The following CA10 variants were observed in gnomAD, a reference collection of about 807,000 sequenced individuals.
The protein encoded by CA10 is carbonic anhydrase 10 (inactive).
CA10 carries 14 observed loss-of-function variants against 44.2 expected under a neutral mutation model. The observed-to-expected ratio is 0.32, with a 90% confidence interval of 0.21 to 0.50. CA10 has a LOEUF of 0.50. Ranked by LOEUF, CA10 falls within the 20% of genes least tolerant of loss-of-function variation. The pLI, the probability that CA10 is intolerant of heterozygous loss-of-function variation, is 0.99. For missense variants in CA10, 350 were observed against 409.7 expected, an observed-to-expected ratio of 0.85 and a Z score of 1.26; for synonymous variants, 159 against 141.6, an observed-to-expected ratio of 1.12 and a Z score of -0.87.
chr17:52,026,773 T>G (rs1986315041), intron 2 of CA10, among the ~76,000 whole-genome samples: 1 of 152,060 alleles, frequency 6.6e-6, no homozygotes, highest in African/African-American at 2.4e-5. Flanking sequence ...ATGATTCAAT[T>G]ACCTCTCATG....
Position 51,692,385 on chromosome 17 carries a change from ATCTATCT to A in CA10, c.466-38656_466-38650del, listed in dbSNP as rs1394590149. On this transcript the variant is annotated intron_variant, in intron 4 of 8. Transcript: ENST00000451037. The stretch of plus-strand genomic sequence containing the variant: ...ATCCATCCTATCTATCTATCTATCT[ATCTATCT>A]ATCTATCTATCTATCTATCTATCTA... Among the ~76,000 whole-genome samples the A allele has an allele frequency of 2.4e-5, 3 of 124,326 alleles. No individual in the cohort carries two copies. The East Asian group carries it at 7.3e-4, about 30-fold the overall frequency. 81.6% of individuals were successfully genotyped at this position (124,326 alleles called of 152,430 possible). A position where few individuals can be genotyped will look rare whatever the true frequency, so the allele number is the denominator to read the frequency against.
intron 4 of CA10, among the ~76,000 whole-genome samples, chr17:51,678,183 C>A (rs985264251): frequency 2.0e-5 from 3 of 152,034 alleles, no homozygotes; most frequent in African/African-American, 7.2e-5. Context: ...ACAGGTAAAT[C>A]CATAGAGACA....
rs1418084962 is a variant in CA10 at position 51,631,449 on chromosome 17, A to T, written c.*135T>A. ...ATGGTTTTGCAGACACTTTTCATGA[A>T]GAAAGGGCCAATCCCAAGAATGAAT... is the stretch of plus-strand genomic sequence containing the variant. On this transcript the variant is annotated 3_prime_UTR_variant, in exon 9 of 9. Transcript: ENST00000451037. The T allele has an allele frequency of 1.2e-6, 1 of 838,744 alleles. No individual in the cohort carries two copies. The highest frequency in any genetic ancestry group is 2.0e-6 in the Non-Finnish European group (1 of 495,488). The allele number at this position is 838,744 out of a possible 1,614,324, so 52.0% of individuals were successfully genotyped here.
At chr17:51,964,529 T>TA (rs899446727) in intron 2 of CA10, among the ~76,000 whole-genome samples, 191 of 150,964 alleles carry the variant, frequency 1.3e-3, no homozygotes, top group African/African-American at 4.4e-3. Context: ...CTCAATAATT[T>TA]AAAAAAAAAT....
At chr17:51,674,357 T>G (rs547366346) in intron 4 of CA10, among the ~76,000 whole-genome samples, 1 of 152,198 alleles carries the variant, frequency 6.6e-6, no homozygotes, top group Non-Finnish European at 1.5e-5. Context: ...ACTTGACATG[T>G]CTTAACTGTA....
At chr17:51,962,663 A>G (rs1026247164) in intron 2 of CA10, among the ~76,000 whole-genome samples, 1 of 152,174 alleles carries the variant, frequency 6.6e-6, no homozygotes, top group Non-Finnish European at 1.5e-5. Flanking sequence ...AAAACAAAAA[A>G]CCATATTCAA....
At chr17:52,069,923 G>GA (rs1987636180) in intron 2 of CA10, among the ~76,000 whole-genome samples, 2 of 152,114 alleles carry the variant, frequency 1.3e-5, no homozygotes, top group South Asian at 2.1e-4. Flanking sequence ...TCCATAACCT[G>GA]AAAAAAATCT....
chr17:51,672,104 A>G (rs534854501), intron 4 of CA10, among the ~76,000 whole-genome samples: 1 of 152,196 alleles, frequency 6.6e-6, no homozygotes, highest in African/African-American at 2.4e-5. Context: ...AAGTTAGTGC[A>G]TGTAAAACAC....
chr17:51,964,433 A>C (rs1249994918), intron 2 of CA10, among the ~76,000 whole-genome samples: 1 of 152,066 alleles, frequency 6.6e-6, no homozygotes, highest in Non-Finnish European at 1.5e-5. Flanking sequence ...ATAACACTCC[A>C]CACAGAAACC....
intron 2 of CA10, among the ~76,000 whole-genome samples, chr17:51,958,725 A>T (rs1161553036): frequency 6.6e-6 from 1 of 152,226 alleles, no homozygotes. Flanking sequence ...ACTCAAACAT[A>T]TCAGGCTAAA....
intron 4 of CA10, among the ~76,000 whole-genome samples, chr17:51,693,597 G>A (rs1276782011): frequency 6.6e-6 from 1 of 152,108 alleles, no homozygotes; most frequent in Non-Finnish European, 1.5e-5. Flanking sequence ...GCAGTATTTG[G>A]TTTTCTGTTT....
intron 4 of CA10, among the ~76,000 whole-genome samples, chr17:51,706,917 CTTAT>C (rs1234832407): frequency 6.6e-6 from 1 of 152,156 alleles, no homozygotes; most frequent in Non-Finnish European, 1.5e-5. Context: ...CCCTGACTGC[CTTAT>C]TTAACACTGC....
chr17:52,052,168 A>G (rs1194659290), intron 2 of CA10, among the ~76,000 whole-genome samples: 1 of 151,890 alleles, frequency 6.6e-6, no homozygotes, highest in Admixed American at 6.6e-5. Flanking sequence ...ATCAGGAAAA[A>G]TAAGTAATGG....
chr17:51,987,775 A>G (rs1204088220), intron 2 of CA10, among the ~76,000 whole-genome samples: 1 of 152,056 alleles, frequency 6.6e-6, no homozygotes, highest in Admixed American at 6.6e-5. Context: ...AGAGAGGGGT[A>G]CAGTAAAAAT....
chr17:51,874,748 T>C (rs915263826), intron 3 of CA10, among the ~76,000 whole-genome samples: 33 of 152,154 alleles, frequency 2.2e-4, no homozygotes, highest in African/African-American at 6.5e-4. Flanking sequence ...GACAGAAAAA[T>C]GAAATGTAGA....
chr17:51,808,105 G>A (rs185764745), intron 3 of CA10, among the ~76,000 whole-genome samples: 1 of 152,318 alleles, frequency 6.6e-6, no homozygotes, highest in East Asian at 1.9e-4. Context: ...ATTAGGCTTA[G>A]GGAATTTGCT....
At chr17:51,713,014 C>T (rs1271434546) in intron 4 of CA10, among the ~76,000 whole-genome samples, 1 of 152,210 alleles carries the variant, frequency 6.6e-6, no homozygotes, top group Non-Finnish European at 1.5e-5. Context: ...CTTGCCCCTG[C>T]TGGGAAGCTA....
chr17:51,670,869 C>G (rs1270406786), intron 4 of CA10, among the ~76,000 whole-genome samples: 1 of 152,150 alleles, frequency 6.6e-6, no homozygotes, highest in African/African-American at 2.4e-5. Flanking sequence ...ATCCAGGTCA[C>G]ACAGTTTTTA....
chr17:52,051,005 G>A (rs1395034936), intron 2 of CA10, among the ~76,000 whole-genome samples: 1 of 151,120 alleles, frequency 6.6e-6, no homozygotes, highest in Admixed American at 6.6e-5. Flanking sequence ...AGGAAGGAAG[G>A]AAGGAAGGAA....
Sources: allele counts gnomAD v4.1 joint callset (sites outside exome capture counted in the v4.1 genomes callset), GRCh38; gene constraint gnomAD v4.1.1; transcripts MANE v1.5; gene names NCBI Gene and HGNC (gene_info 2026-07-23, HGNC 2026-07-21).